FAM184A: variants seen among roughly 807,000 people sequenced by gnomAD.
FAM184A encodes protein FAM184A.
In FAM184A, 99 loss-of-function variants were observed where a neutral mutation model predicts 143.8. The observed-to-expected ratio is 0.69, with a 90% CI of 0.58 to 0.81. The LOEUF is 0.81. FAM184A is among the 40% of genes least tolerant of loss of function. The pLI, the probability that FAM184A is intolerant of heterozygous loss-of-function variation, is 0.00. For missense variants in FAM184A, 1,217 were observed against 1,310.5 expected (o/e 0.93, Z 1.10); for synonymous variants, 427 against 446.4 (o/e 0.96, Z 0.55).
chr6:119,022,754 G>A (rs545163943), intron 3 of FAM184A, among the ~76,000 whole-genome samples, 191 bp downstream of exon 3: 1 of 152,194 alleles, frequency 6.6e-6, no homozygotes, highest in East Asian at 1.9e-4. Flanking sequence ...GCGGGCACCT[G>A]TAGTCCCAGC....
intron 2 of FAM184A, 89 bp from the exon 3 acceptor site, chr6:119,023,169 A>C: frequency 7.1e-7 from 1 of 1,402,374 alleles, no homozygotes; most frequent in Non-Finnish European, 9.8e-7. Flanking sequence ...GCTTTCTCTT[A>C]TTCAGAAGTC....
At chr6:119,126,022 A>G (rs745349582) in intron 1 of FAM184A, among the ~76,000 whole-genome samples, 1 of 152,226 alleles carries the variant, frequency 6.6e-6, no homozygotes, top group Non-Finnish European at 1.5e-5. Context: ...TGACACAGCT[A>G]GGTTCCTTGT....
chr6:119,026,576 G>C (rs1353973204), intron 1 of FAM184A, among the ~76,000 whole-genome samples: 1 of 152,170 alleles, frequency 6.6e-6, no homozygotes, highest in Non-Finnish European at 1.5e-5. Flanking sequence ...CTGAAAGGGA[G>C]GGGTCAGACA....
At chr6:119,039,041 A>T (rs1786219611) in intron 1 of FAM184A, among the ~76,000 whole-genome samples, 1 of 152,262 alleles carries the variant, frequency 6.6e-6, no homozygotes, top group Non-Finnish European at 1.5e-5. Context: ...ATACATGGCA[A>T]ATAAGTATAT....
intron 1 of FAM184A, among the ~76,000 whole-genome samples, chr6:119,035,228 C>G (rs1312644956): frequency 6.6e-6 from 1 of 151,910 alleles, no homozygotes; most frequent in Non-Finnish European, 1.5e-5. Flanking sequence ...TGGACTCCTC[C>G]TCTTGGCCAA....
intron 1 of FAM184A, among the ~76,000 whole-genome samples, chr6:119,087,391 A>C (rs1462063191): frequency 6.6e-6 from 1 of 152,234 alleles, no homozygotes; most frequent in Non-Finnish European, 1.5e-5. Flanking sequence ...AAAACTCAAC[A>C]CAAAAAGCAA....
At chr6:119,010,253 A>G (rs1368034505) in intron 6 of FAM184A, among the ~76,000 whole-genome samples, 1 of 152,258 alleles carries the variant, frequency 6.6e-6, no homozygotes, top group Non-Finnish European at 1.5e-5. Flanking sequence ...ACACAAAAAA[A>G]TGAAACTGTT....
At chr6:119,096,851 C>A (rs1375755522) in intron 1 of FAM184A, among the ~76,000 whole-genome samples, 1 of 152,146 alleles carries the variant, frequency 6.6e-6, no homozygotes, top group Non-Finnish European at 1.5e-5. Context: ...CAGGTCCAGG[C>A]CTGTCCTTGA....
intron 9 of FAM184A, among the ~76,000 whole-genome samples, chr6:118,996,279 T>C (rs1784544545): frequency 6.6e-6 from 1 of 152,186 alleles, no homozygotes; most frequent in Non-Finnish European, 1.5e-5. Flanking sequence ...AATAATGTCA[T>C]TCAGTTTTTT....
chr6:118,964,050 C>G (rs1783415952), intron 16 of FAM184A: 1 of 151,976 alleles, frequency 6.6e-6, no homozygotes, highest in African/African-American at 2.4e-5. Context: ...TAAAGCTGGG[C>G]AAAGTGGCAT....
At position 118,980,248 on chromosome 6, in the gene FAM184A, G is replaced by GC; in HGVS notation, c.2190dup (p.Gln731AlafsTer4). The GC allele has an allele frequency of 6.2e-7, 1 of 1,614,024 alleles. No individual in the cohort carries two copies. Among genetic ancestry groups the GC allele is most frequent in the Non-Finnish European group, 8.5e-7 (1 of 1,179,978 alleles). On this transcript the variant is annotated frameshift_variant, in exon 10 of 18. Transcript: ENST00000338891. LOFTEE classifies it high-confidence loss of function. ...TGCTCCTCTAATTCTTCAAGCTCTT[G>GC]CGTAAGCCGCTGTCGTTCTTGCGTA...
intron 1 of FAM184A, among the ~76,000 whole-genome samples, chr6:119,139,277 C>A (rs2114887952): frequency 6.6e-6 from 1 of 152,272 alleles, no homozygotes; most frequent in Middle Eastern, 3.4e-3. Flanking sequence ...TCAAAAGAAG[C>A]CCAGAGAGCT....
chr6:119,120,648 T>C (rs1345394935), intron 1 of FAM184A, among the ~76,000 whole-genome samples: 1 of 152,168 alleles, frequency 6.6e-6, no homozygotes, highest in Non-Finnish European at 1.5e-5. Flanking sequence ...TTTCTCCATA[T>C]CCTCATCAAC....
intron 17 of FAM184A, among the ~76,000 whole-genome samples, chr6:118,960,493 G>T (rs574671641): frequency 1.3e-5 from 2 of 152,122 alleles, no homozygotes; most frequent in Admixed American, 6.5e-5. Flanking sequence ...TGTGGGAAAC[G>T]AGAGAATAAA....
intron 7 of FAM184A, chr6:119,005,748 C>A: frequency 4.8e-6 from 1 of 208,746 alleles, no homozygotes; most frequent in Admixed American, 5.4e-5. Context: ...TTAAGAACTT[C>A]CTGGGTACTA....
intron 1 of FAM184A, among the ~76,000 whole-genome samples, chr6:119,134,143 T>A (rs115377206): frequency 6.6e-6 from 1 of 151,930 alleles, no homozygotes; most frequent in Admixed American, 6.6e-5. Context: ...ACTCAAACTA[T>A]TGACAAAAGA....
chr6:118,965,518 G>C (rs1172006099), intron 15 of FAM184A, among the ~76,000 whole-genome samples: 1 of 152,194 alleles, frequency 6.6e-6, no homozygotes, highest in Non-Finnish European at 1.5e-5. Flanking sequence ...CAGAATGTGG[G>C]AAGGCCATAA....
At position 119,078,165 on chromosome 6, in the gene FAM184A, G is replaced by T. The variant is rs762226178; in HGVS notation, c.135C>A (p.Ser45Arg). Residue 45 changes from serine to arginine, a missense_variant, in exon 1 of 18, where the codon AGC (serine) becomes AGA (arginine). Ser to Arg is a moderately radical substitution (Grantham distance 110, BLOSUM62 -1). Transcript: ENST00000338891. The surrounding 1 kb of genome is among the most constrained non-coding windows in gnomAD (Gnocchi z 5.5). ...DYSQEMHLKM[S>R]KKIAQLTKVI... is the part of the protein sequence containing the mutation. ...CCTTGGTGAGCTGGGCGATTTTCTT[G>T]CTCATTTTCAGGTGCATCTCCTGGC... The T allele has an allele frequency of 1.3e-6, 2 of 1,593,472 alleles. No individual in the cohort carries two copies. Among genetic ancestry groups the T allele is most frequent in the Non-Finnish European group, 1.7e-6 (2 of 1,171,730 alleles).
chr6:119,087,922 GAA>G (rs1562145354), intron 1 of FAM184A, among the ~76,000 whole-genome samples: 1 of 152,154 alleles, frequency 6.6e-6, no homozygotes, highest in Non-Finnish European at 1.5e-5. Context: ...ATCTTAAAAA[GAA>G]TGACACATGG....
Sources: gnomAD v4.1 joint callset for allele counts (sites outside exome capture counted in the v4.1 genomes callset) on GRCh38, gnomAD v4.1.1 for gene constraint, Gnocchi (gnomAD v3.1) non-coding constraint, MANE v1.5 for transcripts, NCBI Gene and HGNC (gene_info 2026-07-23, HGNC 2026-07-21) for gene names.